The following IST1 variants were observed in gnomAD, a reference collection of about 807,000 sequenced individuals.
IST1 encodes the protein IST1 factor associated with ESCRT-III.
In IST1, 23 loss-of-function variants were observed where a neutral mutation model predicts 37.0. The ratio of observed to expected loss-of-function variants is 0.62; its 90% confidence interval spans 0.45 to 0.88. The LOEUF (loss-of-function observed/expected upper bound fraction) is 0.88. Ranked by LOEUF, IST1 falls within the 40% of genes least tolerant of loss-of-function variation. The pLI, the probability that IST1 is intolerant of heterozygous loss-of-function variation, is 0.00. For synonymous variants in IST1, 180 were observed against 161.7 expected (o/e 1.11, Z -0.86); for missense variants, 488 against 445.4 (o/e 1.10, Z -0.86).
Position 71,916,311 on chromosome 16 carries a change from C to CT in IST1, c.89-150dup, listed in dbSNP as rs2037464813. ...TCTCACCTAGACAGAGTAGCAAATT[C>CT]TACAGTAGAGGGGATGGGATTAGAT... On this transcript the variant is annotated intron_variant, in intron 2 of 9. Coordinates refer to ENST00000378799, the MANE Select transcript of IST1 (RefSeq NM_001270975.2). The CT allele has an allele frequency of 4.1e-5, 29 of 709,708 alleles. No homozygotes were observed. In the South Asian group the frequency reaches 5.4e-4, roughly 13 times the overall value. 44.0% of individuals were successfully genotyped at this position (709,708 alleles called of 1,614,324 possible). A position where few individuals can be genotyped will look rare whatever the true frequency, so the allele number is the denominator to read the frequency against.
At chr16:71,923,041 T>A (rs2037645708) in intron 7 of IST1, 3 of 467,618 alleles carry the variant, frequency 6.4e-6, no homozygotes, top group Non-Finnish European at 1.1e-5. Context: ...TAAGAAAGTC[T>A]CGTTAGAGTT....
chr16:71,927,128 G>A (rs965153821), intron 9 of IST1, among the ~76,000 whole-genome samples: 1 of 152,140 alleles, frequency 6.6e-6, no homozygotes, highest in African/African-American at 2.4e-5. Context: ...CTCACCACAG[G>A]AAAGTAAAAC....
At chr16:71,910,542 C>G (rs1313481632) in intron 1 of IST1, among the ~76,000 whole-genome samples, 3 of 149,980 alleles carry the variant, frequency 2.0e-5, no homozygotes, top group South Asian at 2.1e-4. Flanking sequence ...GGAGGCGGAG[C>G]TTGCAGTGGG....
intron 1 of IST1, among the ~76,000 whole-genome samples, chr16:71,912,532 C>T (rs757481791): frequency 7.9e-5 from 12 of 152,248 alleles, no homozygotes; most frequent in Middle Eastern, 3.4e-3. Context: ...CCACCGCGCC[C>T]GGCCTAAAAT....
At chr16:71,922,303 G>A (rs1181711927) in intron 6 of IST1, among the ~76,000 whole-genome samples, 171 bp from the exon 7 acceptor site, 1 of 152,162 alleles carries the variant, frequency 6.6e-6, no homozygotes, top group Admixed American at 6.5e-5. Flanking sequence ...TGACTGTGTT[G>A]CAGCCCAACT....
intron 1 of IST1, among the ~76,000 whole-genome samples, chr16:71,905,552 G>C (rs1010330667): frequency 1.3e-5 from 2 of 151,356 alleles, no homozygotes; most frequent in Admixed American, 1.3e-4. Context: ...CTACTTTTTT[G>C]TATTTTTAGT....
chr16:71,924,721 C>G (rs766640272), intron 8 of IST1, 48 bp from the exon 9 acceptor site: 2 of 1,425,992 alleles, frequency 1.4e-6, no homozygotes, highest in Non-Finnish European at 2.0e-6. Context: ...AGTACTTTCT[C>G]CAGTGACACT....
chr16:71,917,164 T>C, intron 4 of IST1, 30 bp downstream of exon 4: 1 of 1,294,674 alleles, frequency 7.7e-7, no homozygotes, highest in East Asian at 2.3e-5. Context: ...GTGATGTCTG[T>C]AGCTTTTCAT....
In IST1 at chr16:71,929,762, A is replaced by T. The variant is rs574381360; in HGVS notation, c.*1949A>T. On this transcript the variant is annotated 3_prime_UTR_variant, in exon 10 of 10. Coordinates refer to ENST00000378799, the MANE Select transcript of IST1 (RefSeq NM_001270975.2). ...AGTAAAAAAAGTACCAAAGATTTTTAAAAAATTAGTAAATGTAAAGATACT... is the reference window on the plus strand; with the variant it reads ...AGTAAAAAAAGTACCAAAGATTTTTTAAAAATTAGTAAATGTAAAGATACT... 1.3e-4 allele frequency: 171 copies of T among 1,273,972 alleles called. 1 individual carries two copies. The highest frequency in any genetic ancestry group is 4.3e-4 in the African/African-American group (28 of 65,826). The allele number at this position is 1,273,972 out of a possible 1,614,324, so 78.9% of individuals were successfully genotyped here. A position where few individuals can be genotyped will look rare whatever the true frequency, so the allele number is the denominator to read the frequency against.
At chr16:71,918,149 T>C (rs1001245662) in intron 4 of IST1, among the ~76,000 whole-genome samples, 14 of 152,228 alleles carry the variant, frequency 9.2e-5, no homozygotes, top group African/African-American at 3.4e-4. Context: ...AGAATCCTCC[T>C]ATCTTCTGTC....
chr16:71,910,512 A>G, intron 1 of IST1, among the ~76,000 whole-genome samples: 1 of 151,706 alleles, frequency 6.6e-6, no homozygotes, highest in East Asian at 1.9e-4. Context: ...AGGCTGAGGC[A>G]GGAGAATGGC....
chr16:71,927,845 G>C lies in IST1; in HGVS notation c.*32G>C, dbSNP rs772170984. ...TAAACCAGGCAACTTTCACGTTTTG[G>C]GAGTTGAGACTGAGCAATTTCTCCT... On this transcript the variant is annotated 3_prime_UTR_variant, in exon 10 of 10. Transcript: ENST00000378799. 3 of 1,520,984 alleles carry C rather than the reference G, an allele frequency of 2.0e-6. No individual in the cohort carries two copies. The highest frequency in any genetic ancestry group is 2.7e-6 in the Non-Finnish European group (3 of 1,099,050). The allele number at this position is 1,520,984 out of a possible 1,614,324, so 94.2% of individuals were successfully genotyped here.
intron 1 of IST1, among the ~76,000 whole-genome samples, chr16:71,904,756 T>C (rs2142536226): frequency 6.6e-6 from 1 of 152,322 alleles, no homozygotes; most frequent in Non-Finnish European, 1.5e-5. Context: ...TCCCATACTT[T>C]ACTTTTAAAC....
chr16:71,908,403 G>A (rs9925441), intron 1 of IST1, among the ~76,000 whole-genome samples: 49,944 of 144,408 alleles, frequency 0.35, 8,953 homozygotes, highest in East Asian at 0.67. Flanking sequence ...CAGTTCAAGC[G>A]ATTCTCCTGC....
chr16:71,908,812 C>T (rs767041037), intron 1 of IST1, among the ~76,000 whole-genome samples: 3 of 152,130 alleles, frequency 2.0e-5, no homozygotes, highest in Non-Finnish European at 4.4e-5. Context: ...GGCTGGGGAA[C>T]ATCAGAGGGA....
chr16:71,909,472 G>T (rs552270656), intron 1 of IST1, among the ~76,000 whole-genome samples: 22 of 152,176 alleles, frequency 1.4e-4, no homozygotes, highest in Non-Finnish European at 2.8e-4. Flanking sequence ...ATGCATACAT[G>T]CGTCTTCATG....
chr16:71,907,278 G>T (rs2037245446), intron 1 of IST1, among the ~76,000 whole-genome samples: 1 of 148,486 alleles, frequency 6.7e-6, no homozygotes. Flanking sequence ...TATCCTTATG[G>T]GATTTTTTTT....
chr16:71,910,989 A>G (rs186921618), intron 1 of IST1, among the ~76,000 whole-genome samples: 91 of 152,090 alleles, frequency 6.0e-4, no homozygotes, highest in Non-Finnish European at 1.1e-3. Context: ...AACAAACAAA[A>G]AAAACATTGG....
chr16:71,923,352 T>C lies in IST1; in HGVS notation c.824T>C (p.Ile275Thr). ...TTTCCCAATATTCATCCACCTCAGA[T>C]ACCAGCAACTCCCCCATCGTATGAA... ...QAFPNIHPPQ[I>T]PATPPSYESV... The change falls in exon 8 of 10, where the codon ATA (isoleucine) becomes ACA (threonine). Residue 275 changes from isoleucine to threonine, a missense_variant. Coordinates refer to ENST00000378799, the MANE Select transcript of IST1 (RefSeq NM_001270975.2). 2 of 1,610,182 alleles carry C rather than the reference T, an allele frequency of 1.2e-6. No individual in the cohort carries two copies. The highest frequency in any genetic ancestry group is 1.7e-6 in the Non-Finnish European group (2 of 1,176,594).
Sources: gnomAD v4.1 joint callset for allele counts (sites outside exome capture counted in the v4.1 genomes callset) on GRCh38, gnomAD v4.1.1 for gene constraint, MANE v1.5 for transcripts, NCBI Gene and HGNC (gene_info 2026-07-23, HGNC 2026-07-21) for gene names.